GPHN: variants seen among roughly 807,000 people sequenced by gnomAD.
The protein encoded by GPHN is gephyrin.
In GPHN, 17 loss-of-function variants were observed where a neutral mutation model predicts 95.5. The observed-to-expected ratio is 0.18, with a 90% CI of 0.12 to 0.27. GPHN has a LOEUF of 0.27. Ranked by LOEUF, GPHN falls within the 10% of genes least tolerant of loss-of-function variation. The pLI is 1.00. For missense variants in GPHN, 660 were observed against 978.1 expected (o/e 0.67, Z 4.34); for synonymous variants, 320 against 322.5 (o/e 0.99, Z 0.08).
At chr14:67,100,750 C>G (rs1009396484) in intron 12 of GPHN, 106 bp from the exon 13 acceptor site, 2 of 767,590 alleles carry the variant, frequency 2.6e-6, no homozygotes, top group Non-Finnish European at 4.7e-6. Context: ...CTTCTCTAAG[C>G]CTTATCAAAT....
chr14:67,296,165 T>C, the GPHN span, among the ~76,000 whole-genome samples: 2 of 151,922 alleles, frequency 1.3e-5, no homozygotes, highest in African/African-American at 2.4e-5. Flanking sequence ...TGCTGAGTCT[T>C]GAGGGGTGAC....
chr14:66,558,527 C>T (rs915302901), intron 1 of GPHN, among the ~76,000 whole-genome samples: 7 of 151,908 alleles, frequency 4.6e-5, no homozygotes, highest in Non-Finnish European at 1.0e-4. Flanking sequence ...TTTTTTATGT[C>T]ATAGGCCTCC....
chr14:66,833,723 C>T (rs1035315255), intron 4 of GPHN, among the ~76,000 whole-genome samples: 1 of 150,452 alleles, frequency 6.6e-6, no homozygotes, highest in Non-Finnish European at 1.5e-5. Flanking sequence ...CATTTATTTA[C>T]TTATTAAATT....
chr14:67,334,752 G>C, the GPHN span: 4 of 152,118 alleles, frequency 2.6e-5, no homozygotes, highest in African/African-American at 9.7e-5. Context: ...TTTAGAGCCA[G>C]GAAATTTCAC....
chr14:67,193,788 A>G, the GPHN span, among the ~76,000 whole-genome samples: 155 of 149,264 alleles, frequency 1.0e-3, no homozygotes, highest in African/African-American at 3.6e-3. Context: ...ACAAAAAAAA[A>G]AAAAAAATTA....
At chr14:67,130,982 G>A (rs1385559804) in intron 17 of GPHN, among the ~76,000 whole-genome samples, 2 of 152,122 alleles carry the variant, frequency 1.3e-5, no homozygotes, top group African/African-American at 4.8e-5. Flanking sequence ...ATATGGAACA[G>A]CAGATGTCCT....
the GPHN span, among the ~76,000 whole-genome samples, chr14:67,485,654 C>T: frequency 6.6e-6 from 1 of 152,218 alleles, no homozygotes; most frequent in Non-Finnish European, 1.5e-5. Flanking sequence ...CCTGCACAGA[C>T]ATAACAGCCT....
chr14:67,282,237 A>G, the GPHN span, among the ~76,000 whole-genome samples: 1 of 152,126 alleles, frequency 6.6e-6, no homozygotes, highest in Non-Finnish European at 1.5e-5. Context: ...AACACATCAA[A>G]CTGTAAGAGA....
chr14:67,458,795 C>T, the GPHN span, among the ~76,000 whole-genome samples: 3 of 152,342 alleles, frequency 2.0e-5, no homozygotes, highest in East Asian at 1.9e-4. Context: ...GATCTTGGCT[C>T]ACTGCAGCCT....
intron 1 of GPHN, among the ~76,000 whole-genome samples, chr14:66,532,916 G>T (rs995360747): frequency 1.3e-5 from 2 of 152,142 alleles, no homozygotes; most frequent in Non-Finnish European, 2.9e-5. Flanking sequence ...TTTCTAAAAT[G>T]TTTGAGGAAG....
chr14:66,700,390 A>G (rs1409771673), intron 2 of GPHN, among the ~76,000 whole-genome samples: 4 of 152,190 alleles, frequency 2.6e-5, no homozygotes, highest in Admixed American at 1.3e-4. Flanking sequence ...AAAGAAGTAG[A>G]TTTGTGATTT....
At chr14:66,775,841 T>G (rs2059361225) in intron 2 of GPHN, among the ~76,000 whole-genome samples, 1 of 152,198 alleles carries the variant, frequency 6.6e-6, no homozygotes, top group African/African-American at 2.4e-5. Flanking sequence ...TTTTAAGGAT[T>G]AAATTATCTG....
intron 14 of GPHN, among the ~76,000 whole-genome samples, chr14:67,111,443 C>A (rs1367790796): frequency 6.6e-6 from 1 of 152,098 alleles, no homozygotes; most frequent in East Asian, 1.9e-4. Context: ...TATTTGGTAA[C>A]CTTGGCATGG....
chr14:67,426,759 C>T, the GPHN span, among the ~76,000 whole-genome samples: 121 of 152,190 alleles, frequency 8.0e-4, 1 homozygote, highest in African/African-American at 2.8e-3. Context: ...ATTTTCAGTG[C>T]AGACGGGGTT....
the GPHN span, among the ~76,000 whole-genome samples, chr14:67,532,934 A>C: frequency 4.3e-4 from 65 of 151,632 alleles, no homozygotes; most frequent in East Asian, 0.013. Context: ...CGCTCTGGCC[A>C]CCCCTTGCGG....
At position 66,508,496 on chromosome 14, in the gene GPHN, C is replaced by A. The variant is rs2057882143; in HGVS notation, c.-32C>A. On this transcript the variant is annotated 5_prime_UTR_variant, in exon 1 of 23. Transcript: ENST00000478722. ...CGCTCCGGGCTCCGGTTTCTCCCGG[C>A]TCCTGTCAGTGCGGTGACTGCGCTG... 14 of 1,608,188 alleles carry A rather than the reference C, an allele frequency of 8.7e-6. No homozygotes were observed. The highest frequency in any genetic ancestry group is 1.2e-5 in the Non-Finnish European group (14 of 1,174,618).
the GPHN span, among the ~76,000 whole-genome samples, chr14:67,432,428 G>T: frequency 6.6e-6 from 1 of 152,228 alleles, no homozygotes; most frequent in African/African-American, 2.4e-5. Context: ...AGAGAGACTT[G>T]CAGTTGGTCA....
chr14:67,074,518 A>G (rs899190150), intron 11 of GPHN, among the ~76,000 whole-genome samples: 4 of 152,226 alleles, frequency 2.6e-5, no homozygotes, highest in African/African-American at 9.6e-5. Context: ...TCTCTGAGAC[A>G]CAGCAAGATT....
intron 6 of GPHN, among the ~76,000 whole-genome samples, chr14:66,920,913 G>C (rs1596374986): frequency 6.6e-6 from 1 of 152,122 alleles, no homozygotes; most frequent in South Asian, 2.1e-4. Flanking sequence ...CCAGGTCATT[G>C]CAAGTGGTGT....
Sources: gnomAD v4.1 joint callset for allele counts (sites outside exome capture counted in the v4.1 genomes callset) on GRCh38, gnomAD v4.1.1 for gene constraint, MANE v1.5 for transcripts, NCBI Gene and HGNC (gene_info 2026-07-23, HGNC 2026-07-21) for gene names.